Variants in AK5 observed in about 807,000 individuals in gnomAD.
AK5 encodes the protein adenylate kinase isoenzyme 5.
In AK5, 27 loss-of-function variants were observed where a neutral mutation model predicts 69.5. The observed-to-expected ratio is 0.39, with a 90% CI of 0.29 to 0.54. The LOEUF (loss-of-function observed/expected upper bound fraction) is 0.54. Among genes scored for constraint, AK5 ranks in the 20% least tolerant of loss-of-function variants. The pLI, the probability that AK5 is intolerant of heterozygous loss-of-function variation, is 0.71. For missense variants in AK5, 531 were observed against 700.4 expected (o/e 0.76, Z 2.73); for synonymous variants, 260 against 244.4 (o/e 1.06, Z -0.60).
intron 13 of AK5, among the ~76,000 whole-genome samples, chr1:77,542,554 G>T (rs1339951585): frequency 1.3e-5 from 2 of 152,184 alleles, no homozygotes; most frequent in Non-Finnish European, 2.9e-5. Flanking sequence ...GGCTCGTTGT[G>T]AGCTGAGAGA....
intron 8 of AK5, among the ~76,000 whole-genome samples, chr1:77,448,329 T>C (rs1652884944): frequency 6.6e-6 from 1 of 152,202 alleles, no homozygotes; most frequent in South Asian, 2.1e-4. Context: ...CCCATAAAAA[T>C]CTCAGACTCT....
intron 6 of AK5, among the ~76,000 whole-genome samples, chr1:77,409,912 T>C (rs1459553768): frequency 6.6e-6 from 1 of 152,204 alleles, no homozygotes; most frequent in East Asian, 1.9e-4. Flanking sequence ...TAAGTTCATT[T>C]TCATATATGG....
At chr1:77,452,388 A>G (rs1653212282) in intron 8 of AK5, among the ~76,000 whole-genome samples, 1 of 152,222 alleles carries the variant, frequency 6.6e-6, no homozygotes, top group Non-Finnish European at 1.5e-5. Context: ...TATCAGATAT[A>G]CTTTAATAAT....
intron 5 of AK5, among the ~76,000 whole-genome samples, chr1:77,335,592 G>T (rs969968385): frequency 2.0e-5 from 3 of 151,870 alleles, no homozygotes; most frequent in African/African-American, 7.3e-5. Flanking sequence ...TAAAGTTTTG[G>T]GAAAACATAA....
intron 6 of AK5, among the ~76,000 whole-genome samples, chr1:77,359,158 G>A (rs1646809145): frequency 1.3e-5 from 2 of 151,986 alleles, no homozygotes; most frequent in South Asian, 4.2e-4. Flanking sequence ...AGGAGGCTGA[G>A]GCAGAAGAAT....
intron 6 of AK5, among the ~76,000 whole-genome samples, chr1:77,392,017 C>G (rs1334143749): frequency 2.6e-5 from 4 of 152,148 alleles, no homozygotes; most frequent in Non-Finnish European, 5.9e-5. Context: ...CAACATACTC[C>G]TTGAATAAAA....
At chr1:77,301,022 G>A (rs546739190) in intron 5 of AK5, among the ~76,000 whole-genome samples, 1 of 152,284 alleles carries the variant, frequency 6.6e-6, no homozygotes, top group East Asian at 1.9e-4. Context: ...CAGATCTGGG[G>A]TGTGAGAAGA....
intron 7 of AK5, among the ~76,000 whole-genome samples, chr1:77,413,515 C>A (rs1270195198): frequency 6.6e-6 from 1 of 152,170 alleles, no homozygotes; most frequent in African/African-American, 2.4e-5. Flanking sequence ...TACAGTGTCT[C>A]CCCCTCAATG....
intron 12 of AK5, among the ~76,000 whole-genome samples, chr1:77,525,670 T>C (rs1422694456): frequency 6.6e-6 from 1 of 152,234 alleles, no homozygotes; most frequent in Non-Finnish European, 1.5e-5. Flanking sequence ...CTGGCCCCAC[T>C]TCCAACACTG....
intron 2 of AK5, among the ~76,000 whole-genome samples, chr1:77,289,391 G>A (rs1192714875): frequency 6.6e-6 from 1 of 152,148 alleles, no homozygotes; most frequent in African/African-American, 2.4e-5. Context: ...TTCCCAGGGT[G>A]TCGTCATACT....
At chr1:77,417,583 T>A in intron 7 of AK5, 56 bp from the exon 8 acceptor site, 1 of 1,095,788 alleles carries the variant, frequency 9.1e-7, no homozygotes, top group Non-Finnish European at 1.4e-6. Context: ...GACTGTTTGC[T>A]TTAGAAACAT....
intron 6 of AK5, among the ~76,000 whole-genome samples, chr1:77,353,845 C>T (rs1662349316): frequency 6.6e-6 from 1 of 152,158 alleles, no homozygotes; most frequent in Non-Finnish European, 1.5e-5. Flanking sequence ...ACAGACACGC[C>T]ACTGCTCTGA....
intron 5 of AK5, among the ~76,000 whole-genome samples, chr1:77,320,352 T>C (rs1660465494): frequency 6.6e-6 from 1 of 152,178 alleles, no homozygotes; most frequent in Admixed American, 6.5e-5. Context: ...AACGGAAAGA[T>C]TAAAATGGGA....
At chr1:77,319,512 TATGCCAGCACACACTGGTTTG>T (rs551560199) in intron 5 of AK5, among the ~76,000 whole-genome samples, 311 of 152,342 alleles carry the variant, frequency 2.0e-3, no homozygotes, top group African/African-American at 7.2e-3. Flanking sequence ...TTCATTCTTT[TATGCCAGCACACACTGGTTTG>T]ATTCCTCCAG....
At chr1:77,300,372 G>A (rs1377663133) in intron 5 of AK5, among the ~76,000 whole-genome samples, 2 of 152,204 alleles carry the variant, frequency 1.3e-5, no homozygotes, top group Non-Finnish European at 2.9e-5. Context: ...TTCTTAGGTT[G>A]ACATTCCAGC....
At position 77,346,355 on chromosome 1, in the gene AK5, T is replaced by C. The variant is rs1038759984; in HGVS notation, c.891+5787T>C. The C allele has an allele frequency of 2.6e-5, 4 of 152,350 alleles. No homozygotes were observed. The East Asian group carries it at 7.7e-4, about 29-fold the overall frequency. 9.4% of individuals were successfully genotyped at this position (152,350 alleles called of 1,614,324 possible). ...ATTTGTTAACTGACTTCACATTTCA[T>C]AGGAACCAACACTAACATTTAAAGT... On this transcript the variant is annotated intron_variant, in intron 6 of 13. Transcript: ENST00000354567.
intron 1 of AK5, chr1:77,283,722 T>C (rs1167510473): frequency 3.3e-6 from 2 of 604,818 alleles, no homozygotes; most frequent in Non-Finnish European, 4.1e-6. Flanking sequence ...GTCTTGAGAA[T>C]ATGTGGGAAT....
At chr1:77,464,269 G>A (rs936819693) in intron 8 of AK5, among the ~76,000 whole-genome samples, 1 of 152,130 alleles carries the variant, frequency 6.6e-6, no homozygotes, top group African/African-American at 2.4e-5. Flanking sequence ...CAGATTGAAT[G>A]CCAGGTTCCA....
intron 5 of AK5, among the ~76,000 whole-genome samples, chr1:77,299,184 G>A (rs2689676): frequency 0.15 from 22,135 of 151,260 alleles, 2,109 homozygotes; most frequent in Non-Finnish European, 0.2. Context: ...ATGAGTAAAT[G>A]GCATTTTGTG....
Sources: gnomAD v4.1 joint callset for allele counts (sites outside exome capture counted in the v4.1 genomes callset) on GRCh38, gnomAD v4.1.1 for gene constraint, MANE v1.5 for transcripts, NCBI Gene and HGNC (gene_info 2026-07-23, HGNC 2026-07-21) for gene names.